LYRM4: variants seen among roughly 807,000 people sequenced by gnomAD.
The protein encoded by LYRM4 is LYR motif-containing protein 4.
Under a neutral mutation model 11.7 loss-of-function variants are expected in LYRM4, and 9 were observed. That is an observed-to-expected ratio of 0.77 (90% CI 0.46 to 1.34). The LOEUF (loss-of-function observed/expected upper bound fraction) is 1.34. LYRM4 is among the 40% of genes most tolerant of loss of function. LYRM4 has a pLI of 0.00. For missense variants in LYRM4, 133 were observed against 112.5 expected (o/e 1.18, Z -0.82); for synonymous variants, 42 against 40.4 (o/e 1.04, Z -0.15).
intron 1 of LYRM4, among the ~76,000 whole-genome samples, chr6:5,246,841 G>A (rs1288770364): frequency 6.6e-6 from 1 of 152,162 alleles, no homozygotes; most frequent in Non-Finnish European, 1.5e-5. Flanking sequence ...GAGGGGCTGG[G>A]GCTGGAAACA....
At chr6:5,113,955 T>C (rs76561539) in intron 2 of LYRM4, among the ~76,000 whole-genome samples, 2 of 152,348 alleles carry the variant, frequency 1.3e-5, no homozygotes, top group South Asian at 2.1e-4. Context: ...ATGAGATAAC[T>C]GTGGCCTGCC....
intron 1 of LYRM4, among the ~76,000 whole-genome samples, chr6:5,241,691 T>A (rs920216827): frequency 1.3e-5 from 2 of 152,168 alleles, no homozygotes; most frequent in African/African-American, 4.8e-5. Context: ...CGCTGATGAA[T>A]CTCCAGTGCC....
the LYRM4 span, among the ~76,000 whole-genome samples, chr6:5,059,834 T>C: frequency 1.3e-5 from 2 of 151,752 alleles, no homozygotes; most frequent in Non-Finnish European, 2.9e-5. Context: ...GGGGTCTTGC[T>C]CTGTTGCCCA....
intron 2 of LYRM4, among the ~76,000 whole-genome samples, chr6:5,127,246 G>A (rs1007917879): frequency 6.6e-6 from 1 of 152,006 alleles, no homozygotes; most frequent in Non-Finnish European, 1.5e-5. Context: ...CACCGTGCCT[G>A]GCCTCTTTTT....
rs1281926668 is a variant in LYRM4, at chr6:5,111,516, G to A, written c.208-2025C>T. On this transcript the variant is annotated intron_variant, in intron 2 of 2. Coordinates refer to ENST00000330636, the MANE Select transcript of LYRM4 (RefSeq NM_020408.6). Reference sequence around the variant, plus strand: ...GAAGCTGTGAGTTCTCTGTCCCCGTGAGGAGCAGAAAGTGAGGATGGAGAA... The same window carrying A: ...GAAGCTGTGAGTTCTCTGTCCCCGTAAGGAGCAGAAAGTGAGGATGGAGAA... Among the ~76,000 whole-genome samples, 6 of 152,222 alleles carry A rather than the reference G, an allele frequency of 3.9e-5. No individual in the cohort carries two copies. In the East Asian group the frequency reaches 1.2e-3, roughly 29 times the overall value.
At chr6:5,149,281 T>C (rs1306155400) in intron 2 of LYRM4, among the ~76,000 whole-genome samples, 1 of 152,218 alleles carries the variant, frequency 6.6e-6, no homozygotes, top group Non-Finnish European at 1.5e-5. Context: ...AAAGACGCAC[T>C]GCAACAGAAA....
chr6:5,066,500 T>C, the LYRM4 span: 1 of 781,440 alleles, frequency 1.3e-6, no homozygotes, highest in Non-Finnish European at 2.4e-6. Flanking sequence ...GTGGTTTTAT[T>C]ACTCCACCAC....
chr6:5,117,541 G>A (rs1253147151), intron 2 of LYRM4, among the ~76,000 whole-genome samples: 10 of 149,310 alleles, frequency 6.7e-5, no homozygotes, highest in African/African-American at 2.2e-4. Flanking sequence ...GCGAGACTCT[G>A]TCTCAAAAAA....
intron 2 of LYRM4, among the ~76,000 whole-genome samples, chr6:5,193,036 C>T (rs1760853851): frequency 6.6e-6 from 1 of 152,140 alleles, no homozygotes; most frequent in Admixed American, 6.5e-5. Context: ...AAACAAAAAA[C>T]AAAGTGCATT....
intron 2 of LYRM4, among the ~76,000 whole-genome samples, chr6:5,197,320 A>G (rs964445699): frequency 1.3e-5 from 2 of 152,216 alleles, no homozygotes; most frequent in African/African-American, 4.8e-5. Context: ...GCCTGATTAT[A>G]TAAGTCTAGA....
chr6:5,131,196 G>C (rs969958049), intron 2 of LYRM4, among the ~76,000 whole-genome samples: 1 of 152,142 alleles, frequency 6.6e-6, no homozygotes, highest in African/African-American at 2.4e-5. Flanking sequence ...TTACAGACAG[G>C]ATGCGGCAGT....
In LYRM4 at chr6:5,182,152, G is replaced by C. The variant is rs1046929337; in HGVS notation, c.207+34466C>G. Among the ~76,000 whole-genome samples, 4 of 152,186 alleles carry C rather than the reference G, an allele frequency of 2.6e-5. No homozygotes were observed. In the South Asian group the frequency reaches 6.2e-4, roughly 24 times the overall value. On this transcript the variant is annotated intron_variant, in intron 2 of 2. Coordinates refer to ENST00000330636, the MANE Select transcript of LYRM4 (RefSeq NM_020408.6). ...TCAGGTGATATCTCCTCCAGGTCCTGTAACTGCAGCTATTTTTTTTCTTTT... is the reference window on the plus strand; with the variant it reads ...TCAGGTGATATCTCCTCCAGGTCCTCTAACTGCAGCTATTTTTTTTCTTTT...
chr6:5,040,382 T>TACATA, the LYRM4 span, among the ~76,000 whole-genome samples: 3 of 149,370 alleles, frequency 2.0e-5, no homozygotes, highest in Admixed American at 2.0e-4. Flanking sequence ...CATACATACA[T>TACATA]ACATACATAC....
intron 1 of LYRM4, chr6:5,240,597 T>A (rs1249021861): frequency 6.6e-6 from 1 of 152,120 alleles, no homozygotes; most frequent in Non-Finnish European, 1.5e-5. Context: ...AGACAAGACA[T>A]CCTGGGCAAA....
At chr6:5,257,251 G>GC (rs1049770020) in intron 1 of LYRM4, among the ~76,000 whole-genome samples, 3 of 151,770 alleles carry the variant, frequency 2.0e-5, no homozygotes, top group East Asian at 1.9e-4. Flanking sequence ...TCCTGTCACC[G>GC]CCCCCCCAAC....
chr6:5,217,840 A>C (rs1762362634), intron 1 of LYRM4, among the ~76,000 whole-genome samples: 1 of 152,196 alleles, frequency 6.6e-6, no homozygotes, highest in Non-Finnish European at 1.5e-5. Flanking sequence ...CTCTACCCCA[A>C]CTACTCCAGA....
chr6:5,192,087 G>C (rs1353815624), intron 2 of LYRM4, among the ~76,000 whole-genome samples: 1 of 152,138 alleles, frequency 6.6e-6, no homozygotes, highest in East Asian at 1.9e-4. Flanking sequence ...AGATATTATA[G>C]GACAATGGAG....
At chr6:5,086,215 G>A in the LYRM4 span, 1 of 1,535,264 alleles carries the variant, frequency 6.5e-7, no homozygotes, top group Non-Finnish European at 8.7e-7. Context: ...CAGCTGCCCT[G>A]GGCCCAGGGC....
chr6:5,074,686 A>T, the LYRM4 span, among the ~76,000 whole-genome samples: 139,515 of 151,488 alleles, frequency 0.92, 64,374 homozygotes, highest in African/African-American at 0.98. Context: ...AGGTTTGTTA[A>T]ATAGGTATAT....
Sources: allele counts gnomAD v4.1 joint callset (sites outside exome capture counted in the v4.1 genomes callset), GRCh38; gene constraint gnomAD v4.1.1; transcripts MANE v1.5; gene names NCBI Gene and HGNC (gene_info 2026-07-23, HGNC 2026-07-21).